HTT: variants seen among roughly 807,000 people sequenced by gnomAD.
The protein encoded by HTT is huntingtin, also known as huntington disease protein.
In HTT, 104 loss-of-function variants were observed where a neutral mutation model predicts 362.3. The observed-to-expected ratio is 0.29, with a 90% CI of 0.24 to 0.34. The LOEUF (loss-of-function observed/expected upper bound fraction) is 0.34, where lower values mean the gene tolerates loss of function less well. HTT is among the 10% of genes least tolerant of loss of function. The pLI is 1.00. For synonymous variants in HTT, 1,577 were observed against 1,548.7 expected (o/e 1.02, Z -0.43); for missense variants, 3,301 against 3,928.6 (o/e 0.84, Z 4.27).
At chr4:3,086,066 G>A (rs1713193331) in intron 1 of HTT, among the ~76,000 whole-genome samples, 1 of 152,144 alleles carries the variant, frequency 6.6e-6, no homozygotes, top group African/African-American at 2.4e-5. Context: ...AGGCAGCCTG[G>A]TATATATAGA....
rs758988560 is a variant in HTT at position 3,132,662 on chromosome 4, C to T, written c.2337C>T (p.Ile779=). The change falls in exon 17 of 67, where the codon ATC becomes ATT. Residue 779 remains isoleucine (I), a synonymous_variant. Coordinates refer to ENST00000355072, the MANE Select transcript of HTT (RefSeq NM_001388492.1). Reference sequence around the variant, plus strand: ...TCTGTGGGACCCTCATCTGCTCCATCCTCAGCAGGTCCCGCTTCCACGTGG... The same window carrying T: ...TCTGTGGGACCCTCATCTGCTCCATTCTCAGCAGGTCCCGCTTCCACGTGG... ...AILCGTLICS[I]LSRSRFHVGD... 1 of 1,614,190 alleles carries T rather than the reference C, an allele frequency of 6.2e-7. No individual in the cohort carries two copies. The highest frequency in any genetic ancestry group is 1.7e-5 in the Admixed American group (1 of 60,034).
At chr4:3,107,762 G>GCTCA (rs1402944130) in intron 6 of HTT, among the ~76,000 whole-genome samples, 2 of 152,238 alleles carry the variant, frequency 1.3e-5, no homozygotes, top group African/African-American at 4.8e-5. Context: ...GTAGGAGAAA[G>GCTCA]CTCACTGACG....
At chr4:3,083,053 C>T (rs947819327) in intron 1 of HTT, among the ~76,000 whole-genome samples, 2 of 152,116 alleles carry the variant, frequency 1.3e-5, no homozygotes, top group Non-Finnish European at 2.9e-5. Context: ...GCAGAGTTAA[C>T]AGAAGGCAGA....
At chr4:3,133,073 G>T (rs898590743) in intron 18 of HTT, among the ~76,000 whole-genome samples, 162 bp downstream of exon 18, 3 of 152,148 alleles carry the variant, frequency 2.0e-5, no homozygotes, top group Admixed American at 2.0e-4. Context: ...AGAAAACGTT[G>T]CCAGTAAAGT....
intron 63 of HTT, 152 bp from the exon 64 acceptor site, chr4:3,235,997 C>A: frequency 1.4e-6 from 1 of 723,240 alleles, no homozygotes; most frequent in South Asian, 1.7e-5. Flanking sequence ...TCCCATGTGG[C>A]TGAGCTGGGC....
intron 3 of HTT, among the ~76,000 whole-genome samples, chr4:3,099,736 G>A (rs559757453): frequency 1.3e-5 from 2 of 150,844 alleles, no homozygotes; most frequent in South Asian, 4.2e-4. Flanking sequence ...GTTTGCAGGT[G>A]CTCTATTGTA....
At chr4:3,145,262 T>C (rs761102075) in intron 24 of HTT, 34 bp downstream of exon 24, 2 of 1,334,626 alleles carry the variant, frequency 1.5e-6, no homozygotes, top group East Asian at 2.3e-5. Context: ...TTAATAGTTG[T>C]CTACAACAGT....
At chr4:3,114,988 GA>G (rs962154050) in intron 6 of HTT, among the ~76,000 whole-genome samples, 2 of 151,816 alleles carry the variant, frequency 1.3e-5, no homozygotes, top group African/African-American at 4.9e-5. Context: ...GTCATTTGTT[GA>G]TTTTTTTTTA....
chr4:3,207,563 G>A (rs1187232694), intron 45 of HTT, among the ~76,000 whole-genome samples: 1 of 152,228 alleles, frequency 6.6e-6, no homozygotes, highest in African/African-American at 2.4e-5. Flanking sequence ...GCAGGATCAC[G>A]TCTGTGACGT....
chr4:3,201,982 C>A lies in HTT; in HGVS notation c.5577-2025C>A, dbSNP rs73193306. On this transcript the variant is annotated intron_variant, in intron 41 of 66. Coordinates refer to ENST00000355072, the MANE Select transcript of HTT (RefSeq NM_001388492.1). ...TGTGCATCTCCTCTCAGGCTGGCTC[C>A]CAGATGGGAGCTGGCTCCAGGCGAC... 4.1e-4 allele frequency among the ~76,000 whole-genome samples: 62 copies of A among 152,310 alleles called. No homozygotes were observed. In the Middle Eastern group the frequency reaches 0.014, roughly 33 times the overall value.
Position 3,229,711 on chromosome 4 carries a change from G to A in HTT, c.8110-176G>A, listed in dbSNP as rs57460564. Among the ~76,000 whole-genome samples the A allele has an allele frequency of 5.0e-3, 753 of 151,864 alleles. 4 individuals carry two copies. The highest frequency in any genetic ancestry group is 0.015 in the African/African-American group (633 of 41,440). On this transcript the variant is annotated intron_variant, in intron 59 of 66. Coordinates refer to ENST00000355072, the MANE Select transcript of HTT (RefSeq NM_001388492.1). ...ACCATACATGCACCACGTGTACCACGCACCCACACAGACACAGCACACGCA... is the reference window on the plus strand; with the variant it reads ...ACCATACATGCACCACGTGTACCACACACCCACACAGACACAGCACACGCA...
intron 42 of HTT, among the ~76,000 whole-genome samples, chr4:3,205,067 G>T (rs555569416): frequency 6.6e-6 from 1 of 151,818 alleles, no homozygotes; most frequent in Non-Finnish European, 1.5e-5. Context: ...TTTAAATGCC[G>T]TTCTCTTTAA....
chr4:3,240,303 G>A lies in HTT; in HGVS notation c.*244G>A. 1 of 572,490 alleles carries A rather than the reference G, an allele frequency of 1.7e-6. No homozygotes were observed. 35.5% of individuals were successfully genotyped at this position (572,490 alleles called of 1,614,324 possible). ...TGAGGCCTTCCAGAAAGCAGGAGCA[G>A]CTGTGCTGCACCCCATGTGGGTGAC... On this transcript the variant is annotated 3_prime_UTR_variant, in exon 67 of 67. Transcript: ENST00000355072.
At position 3,173,676 on chromosome 4, in the gene HTT, T is replaced by C. The variant is rs575892576; in HGVS notation, c.4166+545T>C. On this transcript the variant is annotated intron_variant, in intron 31 of 66. Coordinates refer to ENST00000355072, the MANE Select transcript of HTT (RefSeq NM_001388492.1). ...AGTCTCTTTTCACTTAAATTTGTTT[T>C]TTTTTTTTTTGAGACGGAGTCTTGC... is the stretch of plus-strand genomic sequence containing the variant. Among the ~76,000 whole-genome samples, 17 of 152,056 alleles carry C rather than the reference T, an allele frequency of 1.1e-4. No individual in the cohort carries two copies. The East Asian group carries it at 3.3e-3, about 29-fold the overall frequency.
rs370054290 is a variant in HTT at position 3,228,780 on chromosome 4, T to C, written c.7979+35T>C. 6.4e-7 allele frequency: 1 copy of C among 1,564,958 alleles called. No individual in the cohort carries two copies. The highest frequency in any genetic ancestry group is 1.2e-5 in the South Asian group (1 of 85,082). Reference sequence around the variant, plus strand: ...TGGCCTTTTTCTTTTTAACAGAAATTTGAAATTTCTTATCAGTCATTTGAT... The same window carrying C: ...TGGCCTTTTTCTTTTTAACAGAAATCTGAAATTTCTTATCAGTCATTTGAT... On this transcript the variant is annotated intron_variant, in intron 58 of 66. Transcript: ENST00000355072. This position sits in a 1 kb window ranked among gnomAD's most constrained non-coding sequence, Gnocchi z 4.3.
At chr4:3,183,098 T>C (rs1718603522) in intron 37 of HTT, among the ~76,000 whole-genome samples, 1 of 152,182 alleles carries the variant, frequency 6.6e-6, no homozygotes, top group African/African-American at 2.4e-5. Context: ...CCCAGGCTGG[T>C]TTTAAACTCC....
At chr4:3,237,677 C>T (rs1352369807) in intron 64 of HTT, among the ~76,000 whole-genome samples, 3 of 152,246 alleles carry the variant, frequency 2.0e-5, no homozygotes, top group African/African-American at 4.8e-5. Context: ...GGTCTGCGGG[C>T]GGGTAGAGCC....
At position 3,206,881 on chromosome 4, in the gene HTT, G is replaced by A. The variant is rs1400507879; in HGVS notation, c.5973G>A (p.Leu1991=). The A allele has an allele frequency of 7.4e-6, 12 of 1,614,070 alleles. No homozygotes were observed. The highest frequency in any genetic ancestry group is 8.5e-6 in the Non-Finnish European group (10 of 1,180,010). ...GCCAGTCGGGAGCTGTGCTCACGCT[G>A]TATGTGGACAGGCTTCTGTGCACCC... ...HLSQSGAVLT[L]YVDRLLCTPF... is the part of the protein sequence containing the mutation. Residue 1991 remains leucine (L), a synonymous_variant, in exon 44 of 67, where the codon CTG becomes CTA. Coordinates refer to ENST00000355072, the MANE Select transcript of HTT (RefSeq NM_001388492.1). This position sits in a 1 kb window ranked among gnomAD's most constrained non-coding sequence, Gnocchi z 4.6.
At chr4:3,223,366 T>G (rs751845722) in intron 54 of HTT, 40 bp from the exon 55 acceptor site, 1 of 1,527,100 alleles carries the variant, frequency 6.5e-7, no homozygotes, top group Non-Finnish European at 8.8e-7. Context: ...TGGTTGTGGG[T>G]GTCTTGCTGC....
Sources: gnomAD v4.1 joint callset for allele counts (sites outside exome capture counted in the v4.1 genomes callset) on GRCh38, gnomAD v4.1.1 for gene constraint, Gnocchi (gnomAD v3.1) non-coding constraint, MANE v1.5 for transcripts, NCBI Gene and HGNC (gene_info 2026-07-23, HGNC 2026-07-21) for gene names.